Variants in BCAS3 observed in about 807,000 individuals in gnomAD.
BCAS3 encodes the protein BCAS3 microtubule associated cell migration factor.
Under a neutral mutation model 116.1 loss-of-function variants are expected in BCAS3, and 53 were observed. The observed-to-expected ratio is 0.46, with a 90% CI of 0.37 to 0.57. The LOEUF is 0.57. BCAS3 is among the 20% of genes least tolerant of loss of function. The pLI, the probability that BCAS3 is intolerant of heterozygous loss-of-function variation, is 0.00. For synonymous variants in BCAS3, 391 were observed against 408.2 expected (o/e 0.96, Z 0.51); for missense variants, 917 against 1,165.4 (o/e 0.79, Z 3.10).
intron 13 of BCAS3, among the ~76,000 whole-genome samples, chr17:60,927,951 G>C (rs1167568983): frequency 6.6e-6 from 1 of 151,662 alleles, no homozygotes; most frequent in Non-Finnish European, 1.5e-5. Context: ...TTCATTCTGG[G>C]AAAGTGGTTC....
intron 6 of BCAS3, among the ~76,000 whole-genome samples, chr17:60,773,131 C>A (rs1314196018): frequency 6.6e-6 from 1 of 152,062 alleles, no homozygotes; most frequent in South Asian, 2.1e-4. Context: ...TTGGTGGTGT[C>A]AGTGTTCTGA....
chr17:60,755,875 G>A (rs1008344900), intron 6 of BCAS3, among the ~76,000 whole-genome samples: 2 of 152,158 alleles, frequency 1.3e-5, no homozygotes, highest in Admixed American at 1.3e-4. Flanking sequence ...CATAGAATGT[G>A]TAATGATCAG....
intron 9 of BCAS3, among the ~76,000 whole-genome samples, chr17:60,886,642 T>G (rs898040566): frequency 3.3e-5 from 5 of 151,746 alleles, no homozygotes; most frequent in Non-Finnish European, 7.4e-5. Flanking sequence ...GTCCTTTCTG[T>G]TTGTTAGTTT....
intron 22 of BCAS3, among the ~76,000 whole-genome samples, chr17:61,330,520 G>T (rs1341470306): frequency 6.6e-6 from 1 of 152,226 alleles, no homozygotes; most frequent in Non-Finnish European, 1.5e-5. Context: ...CTTCTCAGTG[G>T]AAGGTTTTAT....
chr17:60,766,200 A>T (rs1390107236), intron 6 of BCAS3, among the ~76,000 whole-genome samples: 3 of 152,168 alleles, frequency 2.0e-5, no homozygotes, highest in Non-Finnish European at 4.4e-5. Context: ...AGCTCATCAA[A>T]GTCATTCTCT....
At chr17:61,262,174 A>G (rs1393928690) in intron 22 of BCAS3, among the ~76,000 whole-genome samples, 1 of 152,196 alleles carries the variant, frequency 6.6e-6, no homozygotes, top group East Asian at 1.9e-4. Context: ...ATTGCTGGAT[A>G]CAGAATTTGA....
At chr17:60,770,981 AATTT>A (rs2044646212) in intron 6 of BCAS3, among the ~76,000 whole-genome samples, 1 of 150,348 alleles carries the variant, frequency 6.7e-6, no homozygotes, top group Non-Finnish European at 1.5e-5. Flanking sequence ...ACGCCTACCT[AATTT>A]TTGTATCTTT....
At position 61,015,817 on chromosome 17, in the gene BCAS3, C is replaced by G. The variant is rs746392325; in HGVS notation, c.1553C>G (p.Ser518Cys). The G allele has an allele frequency of 8.1e-6, 13 of 1,613,954 alleles. No individual in the cohort carries two copies. In the Admixed American group the frequency reaches 1.8e-4, roughly 23 times the overall value. Residue 518 changes from serine (S) to cysteine (C), a missense_variant, in exon 16 of 24, where the codon TCT (serine) becomes TGT (cysteine). Around this residue, in one of 3 missense-constraint regions of BCAS3, gnomAD observed 807 missense variants for 1,026.0 expected, o/e 0.79. Coordinates refer to ENST00000407086, the MANE Select transcript of BCAS3 (RefSeq NM_017679.5). The part of the protein sequence containing the change: ...TNNNPGNPRL[S>C]PLPSLMVVMP... ...AACAACCCTGGCAACCCTCGGCTCT[C>G]TCCTCTTCCCAGCTTGATGGTAGTG...
At chr17:61,342,354 C>A (rs1426629077) in intron 22 of BCAS3, among the ~76,000 whole-genome samples, 1 of 152,228 alleles carries the variant, frequency 6.6e-6, no homozygotes, top group African/African-American at 2.4e-5. Flanking sequence ...AGAGCCATGG[C>A]AGGCTGGTCT....
intron 22 of BCAS3, among the ~76,000 whole-genome samples, chr17:61,357,659 G>A (rs763429754): frequency 5.4e-5 from 8 of 149,522 alleles, no homozygotes; most frequent in Non-Finnish European, 1.0e-4. Context: ...AGCCAGGCTG[G>A]TCTTGAACTC....
In BCAS3 at chr17:61,272,636, CAAAAAAAAAAAAA is replaced by C. The variant is rs373837874; in HGVS notation, c.2426-95672_2426-95660del. ...CTGGTGACAGAGTGAAACCCTGTCT[CAAAAAAAAAAAAA>C]AAAAAAAAAAAAAAAAAAGCAATTT... is the stretch of plus-strand genomic sequence containing the variant. On this transcript the variant is annotated intron_variant, in intron 22 of 23. Coordinates refer to ENST00000407086, the MANE Select transcript of BCAS3 (RefSeq NM_017679.5). Among the ~76,000 whole-genome samples the C allele has an allele frequency of 2.3e-3, 110 of 47,384 alleles. 2 individuals are homozygous for C. Among genetic ancestry groups the C allele is most frequent in the Middle Eastern group, 0.036 (2 of 56 alleles). 31.1% of individuals were successfully genotyped at this position (47,384 alleles called of 152,430 possible).
chr17:61,275,829 G>A, intron 22 of BCAS3, among the ~76,000 whole-genome samples: 1 of 152,154 alleles, frequency 6.6e-6, no homozygotes, highest in East Asian at 1.9e-4. Context: ...CGTAATGATT[G>A]CTGCCATCTT....
intron 6 of BCAS3, among the ~76,000 whole-genome samples, chr17:60,800,205 G>A (rs8065282): frequency 2.6e-5 from 4 of 151,952 alleles, no homozygotes; most frequent in Non-Finnish European, 5.9e-5. Flanking sequence ...TTATATTTCC[G>A]CTGTGGCATT....
intron 7 of BCAS3, among the ~76,000 whole-genome samples, chr17:60,838,100 T>C (rs2051535574): frequency 6.6e-6 from 1 of 151,946 alleles, no homozygotes; most frequent in Non-Finnish European, 1.5e-5. Flanking sequence ...CACAAATTGA[T>C]CACAGAATTG....
intron 19 of BCAS3, among the ~76,000 whole-genome samples, chr17:61,054,809 A>T (rs753787559): frequency 2.5e-4 from 38 of 152,194 alleles, no homozygotes; most frequent in Non-Finnish European, 5.3e-4. Flanking sequence ...AGATTGTTGT[A>T]TGACTTGCTA....
chr17:61,057,146 G>T (rs554358285), intron 19 of BCAS3, among the ~76,000 whole-genome samples: 15 of 152,272 alleles, frequency 9.9e-5, no homozygotes, highest in African/African-American at 3.4e-4. Context: ...TTAATAGAAG[G>T]CCTGTGCTTA....
chr17:61,218,617 G>A (rs573301859), intron 22 of BCAS3, among the ~76,000 whole-genome samples: 4 of 152,292 alleles, frequency 2.6e-5, no homozygotes, highest in African/African-American at 9.6e-5. Flanking sequence ...TGTTGTTTAG[G>A]CAAGCAAGAC....
intron 19 of BCAS3, 31 bp downstream of exon 19, chr17:61,040,923 G>C: frequency 6.5e-7 from 1 of 1,544,784 alleles, no homozygotes; most frequent in Non-Finnish European, 8.9e-7. Context: ...TTTTCCTTTC[G>C]TATGGTCTAT....
chr17:61,236,521 T>C (rs901469598), intron 22 of BCAS3, among the ~76,000 whole-genome samples: 3 of 152,148 alleles, frequency 2.0e-5, no homozygotes, highest in Middle Eastern at 3.4e-3. Context: ...GGGGTTTCAC[T>C]GTGTTAGCCA....
Sources: gnomAD v4.1 joint callset for allele counts (sites outside exome capture counted in the v4.1 genomes callset) on GRCh38, gnomAD v4.1.1 for gene constraint, gnomAD v4.1.1 regional missense constraint, MANE v1.5 for transcripts, NCBI Gene and HGNC (gene_info 2026-07-23, HGNC 2026-07-21) for gene names.